Variants in LPP observed in about 807,000 individuals in gnomAD.
The protein encoded by LPP is lipoma-preferred partner.
LPP carries 38 observed loss-of-function variants against 60.4 expected under a neutral mutation model. That is an observed-to-expected ratio of 0.63 (90% CI 0.49 to 0.83). LPP has a LOEUF of 0.83. Ranked by LOEUF, LPP falls within the 40% of genes least tolerant of loss-of-function variation. LPP has a pLI of 0.00. For missense variants in LPP, 902 were observed against 783.6 expected (o/e 1.15, Z -1.80); for synonymous variants, 328 against 290.8 (o/e 1.13, Z -1.30).
intron 9 of LPP, among the ~76,000 whole-genome samples, chr3:188,825,267 CTCTGTGTGTGTGTGTG>C (rs61645555): frequency 0.024 from 2,350 of 98,994 alleles, 62 homozygotes; most frequent in African/African-American, 0.077. Flanking sequence ...CTCTCTCTCT[CTCTGTGTGTGTGTGTG>C]TGTGTGTGTG....
intron 5 of LPP, among the ~76,000 whole-genome samples, chr3:188,510,581 G>A (rs1157250404): frequency 3.3e-5 from 5 of 152,094 alleles, no homozygotes; most frequent in Admixed American, 1.3e-4. Flanking sequence ...TCTCTCCTTC[G>A]TCATGGGGAA....
intron 3 of LPP, among the ~76,000 whole-genome samples, chr3:188,357,925 C>T (rs993771287): frequency 5.3e-5 from 8 of 152,118 alleles, no homozygotes; most frequent in African/African-American, 1.9e-4. Context: ...TCTTGTTTTT[C>T]AGCTGGCTGG....
At chr3:188,410,420 A>G (rs1342042141) in intron 4 of LPP, among the ~76,000 whole-genome samples, 1 of 152,194 alleles carries the variant, frequency 6.6e-6, no homozygotes, top group Non-Finnish European at 1.5e-5. Flanking sequence ...AAAAATACCC[A>G]CATGTTTTCC....
At chr3:188,563,778 C>T (rs1325306306) in intron 6 of LPP, among the ~76,000 whole-genome samples, 3 of 143,286 alleles carry the variant, frequency 2.1e-5, no homozygotes, top group African/African-American at 7.8e-5. Context: ...GGGCCATCAT[C>T]GCAAATGTTA....
chr3:188,775,055 G>GTTT (rs58627957), intron 9 of LPP, among the ~76,000 whole-genome samples: 3,943 of 136,634 alleles, frequency 0.029, 143 homozygotes, highest in African/African-American at 0.078. Flanking sequence ...CATGCTTAGT[G>GTTT]TTTTTTTTTT....
At chr3:188,414,488 A>G (rs889505556) in intron 4 of LPP, among the ~76,000 whole-genome samples, 7 of 152,264 alleles carry the variant, frequency 4.6e-5, no homozygotes, top group Middle Eastern at 3.4e-3. Context: ...AGTAATGAAT[A>G]TGTGATAATA....
intron 4 of LPP, among the ~76,000 whole-genome samples, chr3:188,430,650 G>A (rs889069608): frequency 6.6e-6 from 1 of 152,256 alleles, no homozygotes; most frequent in East Asian, 1.9e-4. Flanking sequence ...GCAGATGACT[G>A]AACATCCTTA....
intron 8 of LPP, among the ~76,000 whole-genome samples, chr3:188,721,108 AT>A (rs1716184380): frequency 6.6e-6 from 1 of 152,102 alleles, no homozygotes; most frequent in South Asian, 2.1e-4. Context: ...CCATAGTATT[AT>A]TTGCCTAATA....
intron 9 of LPP, among the ~76,000 whole-genome samples, chr3:188,784,082 G>C (rs12053916): frequency 6.7e-5 from 10 of 150,170 alleles, no homozygotes; most frequent in African/African-American, 2.5e-4. Context: ...CCCCTTCCAC[G>C]CTTCCCCCCA....
At chr3:188,287,250 T>G (rs940423431) in intron 2 of LPP, among the ~76,000 whole-genome samples, 2 of 152,220 alleles carry the variant, frequency 1.3e-5, no homozygotes, top group African/African-American at 4.8e-5. Context: ...ATATCTCCCT[T>G]GGCTTATAAT....
chr3:188,880,499 C>A lies in LPP; in HGVS notation c.*6020C>A. The A allele has an allele frequency of 5.3e-6, 1 of 189,440 alleles. No individual in the cohort carries two copies. The highest frequency in any genetic ancestry group is 8.4e-5 in the East Asian group (1 of 11,882). The allele number at this position is 189,440 out of a possible 1,614,324, so 11.7% of individuals were successfully genotyped here. On this transcript the variant is annotated 3_prime_UTR_variant, in exon 12 of 12. Coordinates refer to ENST00000617246, the MANE Select transcript of LPP (RefSeq NM_001375462.1). ...AAAATAAAAATTAATATTCTACAAA[C>A]ACCTACATATACTAGAGAGGGGTGA... is the stretch of plus-strand genomic sequence containing the variant.
intron 2 of LPP, among the ~76,000 whole-genome samples, chr3:188,325,544 A>T (rs922761552): frequency 1.3e-5 from 2 of 152,186 alleles, no homozygotes; most frequent in Non-Finnish European, 2.9e-5. Context: ...TCTACAAAGC[A>T]TGTATGGTTC....
intron 1 of LPP, among the ~76,000 whole-genome samples, chr3:188,159,974 G>C (rs551852806): frequency 6.6e-6 from 1 of 152,152 alleles, no homozygotes; most frequent in Non-Finnish European, 1.5e-5. Context: ...GTGCAGTGGC[G>C]CAATCTTGGC....
intron 1 of LPP, among the ~76,000 whole-genome samples, chr3:188,187,066 C>T (rs1726814610): frequency 6.6e-6 from 1 of 152,156 alleles, no homozygotes; most frequent in South Asian, 2.1e-4. Flanking sequence ...TTCCTCTCCA[C>T]ATTTACCCTT....
At chr3:188,768,076 T>A (rs1177459687) in intron 9 of LPP, among the ~76,000 whole-genome samples, 2 of 152,102 alleles carry the variant, frequency 1.3e-5, no homozygotes, top group Non-Finnish European at 2.9e-5. Context: ...TTATTGCACT[T>A]AAAATTTTAT....
chr3:188,791,999 G>C (rs993781871), intron 9 of LPP, among the ~76,000 whole-genome samples: 1 of 152,144 alleles, frequency 6.6e-6, no homozygotes, highest in African/African-American at 2.4e-5. Context: ...GCTCTAGTGA[G>C]TAAGCGCCTA....
At chr3:188,179,064 GA>G in intron 1 of LPP, 25 of 309,630 alleles carry the variant, frequency 8.1e-5, no homozygotes, top group African/African-American at 1.1e-4. Context: ...GAGAGAGAGA[GA>G]GTGAGCAAGA....
chr3:188,518,893 G>GA (rs1818119216), intron 5 of LPP, among the ~76,000 whole-genome samples: 1 of 144,668 alleles, frequency 6.9e-6, no homozygotes, highest in Non-Finnish European at 1.5e-5. Context: ...TTAAGTTTCT[G>GA]ATTTTTTTTT....
intron 4 of LPP, among the ~76,000 whole-genome samples, chr3:188,439,448 T>C (rs1057018011): frequency 1.3e-5 from 2 of 152,226 alleles, no homozygotes; most frequent in Non-Finnish European, 2.9e-5. Flanking sequence ...CTTCATGTTT[T>C]GCTCCTTGGT....
Sources: gnomAD v4.1 joint callset for allele counts (sites outside exome capture counted in the v4.1 genomes callset) on GRCh38, gnomAD v4.1.1 for gene constraint, MANE v1.5 for transcripts, NCBI Gene and HGNC (gene_info 2026-07-23, HGNC 2026-07-21) for gene names.